Variants in DGKB observed in about 807,000 individuals in gnomAD.
DGKB encodes the protein diacylglycerol kinase beta.
Under a neutral mutation model 114.3 loss-of-function variants are expected in DGKB, and 67 were observed. The observed-to-expected ratio is 0.59, with a 90% CI of 0.48 to 0.72. The LOEUF is 0.72. Among genes scored for constraint, DGKB ranks in the 30% least tolerant of loss-of-function variants. The pLI is 0.00. For missense variants in DGKB, 907 were observed against 975.2 expected (o/e 0.93, Z 0.93); for synonymous variants, 398 against 323.1 (o/e 1.23, Z -2.49).
intron 1 of DGKB, among the ~76,000 whole-genome samples, chr7:14,878,765 A>AC (rs1432247028): frequency 1.3e-5 from 2 of 151,248 alleles, no homozygotes; most frequent in African/African-American, 2.4e-5. Flanking sequence ...CAAAAAAAAA[A>AC]AAACAAAAAA....
chr7:14,239,673 C>G (rs1375710003), intron 23 of DGKB, among the ~76,000 whole-genome samples: 3 of 150,792 alleles, frequency 2.0e-5, no homozygotes, highest in African/African-American at 7.3e-5. Context: ...GATCTCTGAG[C>G]CTGGAATCTA....
At chr7:14,351,795 C>A (rs895302391) in intron 21 of DGKB, among the ~76,000 whole-genome samples, 1 of 151,996 alleles carries the variant, frequency 6.6e-6, no homozygotes, top group Non-Finnish European at 1.5e-5. Context: ...TTCAGATGAA[C>A]ACATTAGTGG....
At chr7:14,392,075 T>C (rs1270456700) in intron 21 of DGKB, among the ~76,000 whole-genome samples, 1 of 152,180 alleles carries the variant, frequency 6.6e-6, no homozygotes, top group Non-Finnish European at 1.5e-5. Context: ...AATTTGGAAA[T>C]CAGGTTATGT....
At chr7:14,879,750 A>T (rs1290379992) in intron 1 of DGKB, among the ~76,000 whole-genome samples, 5 of 152,296 alleles carry the variant, frequency 3.3e-5, no homozygotes, top group East Asian at 1.9e-4. Context: ...CTCAATGCTG[A>T]AAGAATCTTT....
intron 2 of DGKB, among the ~76,000 whole-genome samples, chr7:14,814,972 A>G (rs1223566714): frequency 6.6e-6 from 1 of 152,056 alleles, no homozygotes; most frequent in Non-Finnish European, 1.5e-5. Context: ...AGTTTCTCTA[A>G]CCTCCATATT....
intron 2 of DGKB, among the ~76,000 whole-genome samples, chr7:14,803,380 T>C (rs1278477036): frequency 6.6e-6 from 1 of 152,198 alleles, no homozygotes; most frequent in East Asian, 1.9e-4. Context: ...TTGCATCTAA[T>C]ACTAATATTA....
intron 21 of DGKB, among the ~76,000 whole-genome samples, chr7:14,402,860 A>T (rs1003664379): frequency 2.6e-5 from 4 of 151,988 alleles, no homozygotes; most frequent in Admixed American, 1.3e-4. Context: ...AAGAAAAGAG[A>T]TCAAAGGCTC....
rs1300363624 is a variant in DGKB at position 14,901,605 on chromosome 7, A to ACCCC, written c.-188+983_-188+986dup. Among the ~76,000 whole-genome samples the ACCCC allele has an allele frequency of 1.2e-3, 153 of 123,118 alleles. 1 individual carries two copies. The highest frequency in any genetic ancestry group is 3.3e-3 in the South Asian group (11 of 3,342). The allele number at this position is 123,118 out of a possible 152,430, so 80.8% of individuals were successfully genotyped here. A position where few individuals can be genotyped will look rare whatever the true frequency, so the allele number is the denominator to read the frequency against. ...TATGCTTTCTGTTTGAGGGATTTCC[A>ACCCC]CCCCCCCCCACCCCCCACTGCCCCA... On this transcript the variant is annotated intron_variant, in intron 1 of 25. Transcript: ENST00000402815.
intron 20 of DGKB, among the ~76,000 whole-genome samples, chr7:14,545,438 A>G (rs1397550853): frequency 1.3e-5 from 2 of 152,126 alleles, no homozygotes; most frequent in East Asian, 3.9e-4. Context: ...GACTTGCAAT[A>G]AGCCATGAAA....
chr7:14,438,637 G>A (rs1829622020), intron 21 of DGKB, among the ~76,000 whole-genome samples: 1 of 152,086 alleles, frequency 6.6e-6, no homozygotes, highest in Non-Finnish European at 1.5e-5. Flanking sequence ...ACATTTATGA[G>A]TGGCCAGGAA....
At chr7:14,620,023 T>C (rs914517732) in intron 15 of DGKB, among the ~76,000 whole-genome samples, 2 of 151,614 alleles carry the variant, frequency 1.3e-5, no homozygotes, top group Admixed American at 6.6e-5. Flanking sequence ...ATATTAGGCA[T>C]CCACGTATTG....
intron 23 of DGKB, among the ~76,000 whole-genome samples, chr7:14,271,594 C>A (rs1023966773): frequency 1.3e-5 from 2 of 152,242 alleles, no homozygotes; most frequent in Non-Finnish European, 2.9e-5. Context: ...GACAATGGAG[C>A]CTTTGAGGGG....
chr7:14,833,558 T>C (rs1038623470), intron 2 of DGKB, among the ~76,000 whole-genome samples: 5 of 152,156 alleles, frequency 3.3e-5, no homozygotes, highest in African/African-American at 4.8e-5. Context: ...CTCAGGAGTG[T>C]ATTCATTTCA....
intron 20 of DGKB, among the ~76,000 whole-genome samples, chr7:14,506,050 G>T (rs936168858): frequency 6.6e-6 from 1 of 152,042 alleles, no homozygotes; most frequent in Admixed American, 6.6e-5. Context: ...AGCTCACAAT[G>T]TGAACCACAA....
chr7:14,476,149 TTAAA>T (rs1782136715), intron 21 of DGKB, among the ~76,000 whole-genome samples: 1 of 151,444 alleles, frequency 6.6e-6, no homozygotes. Context: ...TGAATATAAC[TTAAA>T]TAATATATAT....
chr7:14,704,501 G>A (rs575470542), intron 6 of DGKB, among the ~76,000 whole-genome samples: 62 of 151,078 alleles, frequency 4.1e-4, no homozygotes, highest in African/African-American at 1.4e-3. Flanking sequence ...CAAGATGGCC[G>A]AATAGGAACA....
chr7:14,321,603 G>GAAAAAAAAA (rs1164711723), intron 23 of DGKB, among the ~76,000 whole-genome samples: 11 of 44,420 alleles, frequency 2.5e-4, no homozygotes, highest in Middle Eastern at 0.018. Context: ...AGAGAAATAA[G>GAAAAAAAAA]AAAAAAAAAA....
At chr7:14,182,218 ATTTTATTTT>A (rs1259672512) in intron 23 of DGKB, among the ~76,000 whole-genome samples, 2 of 151,808 alleles carry the variant, frequency 1.3e-5, no homozygotes, top group East Asian at 3.9e-4. Context: ...AACACATTAA[ATTTTATTTT>A]TTTTATTTTT....
At chr7:14,591,673 T>TA (rs1376240883) in intron 17 of DGKB, among the ~76,000 whole-genome samples, 1 of 152,112 alleles carries the variant, frequency 6.6e-6, no homozygotes, top group Non-Finnish European at 1.5e-5. Flanking sequence ...TTTGTACATT[T>TA]AAAAAGTTTT....
Sources: gnomAD v4.1 joint callset for allele counts (sites outside exome capture counted in the v4.1 genomes callset) on GRCh38, gnomAD v4.1.1 for gene constraint, MANE v1.5 for transcripts, NCBI Gene and HGNC (gene_info 2026-07-23, HGNC 2026-07-21) for gene names.